The following CCDC7 variants were observed in gnomAD, a reference collection of about 807,000 sequenced individuals.
CCDC7 encodes coiled-coil domain-containing protein 7.
In CCDC7, 183 loss-of-function variants were observed where a neutral mutation model predicts 196.9. The observed-to-expected ratio is 0.93, with a 90% confidence interval of 0.82 to 1.05. The LOEUF is 1.05. CCDC7 is among the 50% of genes least tolerant of loss of function. The pLI is 0.00. For synonymous variants in CCDC7, 525 were observed against 484.6 expected (o/e 1.08, Z -1.10); for missense variants, 1,540 against 1,482.2 (o/e 1.04, Z -0.64).
chr10:32,668,291 G>A lies in CCDC7; in HGVS notation c.2122+4130G>A, dbSNP rs375484571. On this transcript the variant is annotated intron_variant, in intron 21 of 41. Coordinates refer to ENST00000639629, the Ensembl canonical transcript of CCDC7. ...TGGGCAGAGATGATGGGGTTTTCTA[G>A]ATATACAATCATGTCATCTGCAAAC... is the stretch of plus-strand genomic sequence containing the variant. Among the ~76,000 whole-genome samples, 4 of 152,222 alleles carry A rather than the reference G, an allele frequency of 2.6e-5. No homozygotes were observed. In the East Asian group the frequency reaches 7.7e-4, roughly 29 times the overall value.
intron 30 of CCDC7, among the ~76,000 whole-genome samples, chr10:32,811,369 A>G (rs1366938401): frequency 1.3e-5 from 2 of 152,052 alleles, no homozygotes; most frequent in Non-Finnish European, 2.9e-5. Flanking sequence ...ATTATGAACA[A>G]CTATACGCTG....
At chr10:32,832,919 T>C (rs1305371567) in intron 32 of CCDC7, among the ~76,000 whole-genome samples, 1 of 151,966 alleles carries the variant, frequency 6.6e-6, no homozygotes, top group Non-Finnish European at 1.5e-5. Flanking sequence ...TATTTGACAA[T>C]AGCAGCACAA....
At chr10:32,805,144 C>T (rs1228031594) in intron 30 of CCDC7, 46 bp downstream of exon 31, 1 of 1,401,608 alleles carries the variant, frequency 7.1e-7, no homozygotes, top group Non-Finnish European at 1.0e-6. Context: ...TATTTTTCTC[C>T]TTCAAAGTTT....
intron 28 of CCDC7, among the ~76,000 whole-genome samples, chr10:32,742,130 TA>T (rs2085955772): frequency 6.6e-6 from 1 of 152,196 alleles, no homozygotes; most frequent in Non-Finnish European, 1.5e-5. Flanking sequence ...CATTTATATT[TA>T]CTGTAAATAC....
At chr10:32,614,626 G>A (rs145190981) in intron 18 of CCDC7, among the ~76,000 whole-genome samples, 1 of 152,160 alleles carries the variant, frequency 6.6e-6, no homozygotes, top group Non-Finnish European at 1.5e-5. Context: ...ACTGAACATT[G>A]TACCAAATAG....
intron 5 of CCDC7, among the ~76,000 whole-genome samples, chr10:32,470,754 ACT>A (rs894951570): frequency 2.6e-5 from 4 of 151,974 alleles, no homozygotes; most frequent in Admixed American, 1.3e-4. Flanking sequence ...ATTTAGAATG[ACT>A]CTTGTAAATA....
intron 11 of CCDC7, among the ~76,000 whole-genome samples, chr10:32,524,216 A>G (rs2048330538): frequency 6.6e-6 from 1 of 152,008 alleles, no homozygotes. Flanking sequence ...ACAACTTTAA[A>G]CTAATGACAA....
At chr10:32,704,974 G>A (rs960245371) in intron 24 of CCDC7, among the ~76,000 whole-genome samples, 1 of 152,150 alleles carries the variant, frequency 6.6e-6, no homozygotes, top group Admixed American at 6.5e-5. Flanking sequence ...GTGAGGCGAT[G>A]CCTCGCCCTG....
intron 30 of CCDC7, among the ~76,000 whole-genome samples, chr10:32,808,621 C>T (rs2086374088): frequency 8.7e-6 from 1 of 114,946 alleles, no homozygotes; most frequent in South Asian, 3.0e-4. Context: ...GATTAGCCTG[C>T]CTGGACTCAC....
chr10:32,536,285 C>A (rs2050487344), intron 11 of CCDC7, among the ~76,000 whole-genome samples: 1 of 152,150 alleles, frequency 6.6e-6, no homozygotes, highest in African/African-American at 2.4e-5. Context: ...AGAAATTACA[C>A]CAGCCAGGCC....
At chr10:32,736,075 T>G (rs1182625896) in intron 28 of CCDC7, among the ~76,000 whole-genome samples, 1 of 152,220 alleles carries the variant, frequency 6.6e-6, no homozygotes, top group Non-Finnish European at 1.5e-5. Context: ...CTACAGGAAT[T>G]TTTAAAGTTG....
At chr10:32,633,499 A>C (rs1283879349) in intron 18 of CCDC7, among the ~76,000 whole-genome samples, 2 of 152,050 alleles carry the variant, frequency 1.3e-5, no homozygotes, top group Non-Finnish European at 2.9e-5. Flanking sequence ...GCACTAGAAA[A>C]ACAAATTTAC....
intron 11 of CCDC7, among the ~76,000 whole-genome samples, chr10:32,531,518 G>A (rs899308922): frequency 2.6e-5 from 4 of 152,070 alleles, no homozygotes; most frequent in South Asian, 2.1e-4. Context: ...TGTAGTTTTC[G>A]TTTTTTGCTG....
intron 32 of CCDC7, among the ~76,000 whole-genome samples, chr10:32,832,659 C>T (rs892888843): frequency 2.6e-5 from 4 of 151,548 alleles, no homozygotes; most frequent in Admixed American, 6.6e-5. Flanking sequence ...GGTATCAGGC[C>T]GTGTTATTAA....
intron 23 of CCDC7, among the ~76,000 whole-genome samples, chr10:32,692,002 C>G (rs1474737747): frequency 1.3e-5 from 2 of 152,216 alleles, no homozygotes; most frequent in Non-Finnish European, 2.9e-5. Context: ...TAGTGATAAG[C>G]TCCACAATAT....
chr10:32,537,365 T>A (rs1317396648), intron 11 of CCDC7, among the ~76,000 whole-genome samples: 1 of 152,196 alleles, frequency 6.6e-6, no homozygotes, highest in African/African-American at 2.4e-5. Flanking sequence ...CCTTGTAAAT[T>A]TGTTTAAGTT....
intron 11 of CCDC7, 53 bp from the exon 13 acceptor site, chr10:32,543,247 A>G (rs2051816844): frequency 2.3e-6 from 3 of 1,286,986 alleles, no homozygotes; most frequent in Non-Finnish European, 1.0e-6. Context: ...ATATCTTTCT[A>G]TAACTTATTG....
At chr10:32,806,527 G>T (rs2085901674) in intron 30 of CCDC7, among the ~76,000 whole-genome samples, 1 of 152,024 alleles carries the variant, frequency 6.6e-6, no homozygotes, top group Non-Finnish European at 1.5e-5. Flanking sequence ...TCAAATAGAA[G>T]ATATCTACAA....
chr10:32,701,473 A>T (rs1224688903), intron 24 of CCDC7, among the ~76,000 whole-genome samples: 1 of 152,146 alleles, frequency 6.6e-6, no homozygotes, highest in Non-Finnish European at 1.5e-5. Context: ...TTGGTCTAAA[A>T]TTCTCTTTTT....
Sources: gnomAD v4.1 joint callset for allele counts (sites outside exome capture counted in the v4.1 genomes callset) on GRCh38, gnomAD v4.1.1 for gene constraint, MANE v1.5 for transcripts, NCBI Gene and HGNC (gene_info 2026-07-23, HGNC 2026-07-21) for gene names.